OPCML: variants seen among roughly 807,000 people sequenced by gnomAD.
OPCML encodes opioid-binding protein/cell adhesion molecule.
In OPCML, 13 loss-of-function variants were observed where a neutral mutation model predicts 37.8. That is an observed-to-expected ratio of 0.34 (90% CI 0.22 to 0.55). OPCML has a LOEUF of 0.55. OPCML is among the 20% of genes least tolerant of loss of function. The pLI, the probability that OPCML is intolerant of heterozygous loss-of-function variation, is 0.91. For synonymous variants in OPCML, 176 were observed against 168.8 expected (o/e 1.04, Z -0.33); for missense variants, 341 against 435.6 (o/e 0.78, Z 1.93).
At chr11:133,086,740 C>T (rs1948824577) in intron 1 of OPCML, among the ~76,000 whole-genome samples, 1 of 152,146 alleles carries the variant, frequency 6.6e-6, no homozygotes, top group African/African-American at 2.4e-5. Context: ...ATCTCCCCAT[C>T]CCCCTACACT....
intron 2 of OPCML, among the ~76,000 whole-genome samples, chr11:132,683,616 T>C (rs1407163018): frequency 6.6e-6 from 1 of 152,200 alleles, no homozygotes; most frequent in Non-Finnish European, 1.5e-5. Flanking sequence ...AAATGAGAAG[T>C]TTGTAAAAGA....
chr11:133,096,156 T>TG (rs1948999763), intron 1 of OPCML, among the ~76,000 whole-genome samples: 2 of 124,232 alleles, frequency 1.6e-5, no homozygotes, highest in African/African-American at 6.5e-5. Context: ...GTGTGTGTGT[T>TG]TATGTGTAAG....
intron 1 of OPCML, among the ~76,000 whole-genome samples, chr11:133,395,086 T>C (rs971039077): frequency 6.6e-6 from 1 of 152,242 alleles, no homozygotes; most frequent in Non-Finnish European, 1.5e-5. Flanking sequence ...TGAGATGATA[T>C]ATCATTGTAG....
chr11:132,451,115 C>A (rs1592194418), intron 4 of OPCML, among the ~76,000 whole-genome samples: 1 of 152,174 alleles, frequency 6.6e-6, no homozygotes, highest in East Asian at 1.9e-4. Context: ...AATCAGAAGG[C>A]AATTCATCTT....
intron 2 of OPCML, among the ~76,000 whole-genome samples, chr11:132,915,172 C>T (rs1944563531): frequency 1.3e-5 from 2 of 152,122 alleles, no homozygotes; most frequent in Non-Finnish European, 2.9e-5. Flanking sequence ...CTTCAGGGGC[C>T]CTGTTTCTTG....
chr11:133,201,502 G>T (rs1181243441), intron 1 of OPCML, among the ~76,000 whole-genome samples: 2 of 152,038 alleles, frequency 1.3e-5, no homozygotes, highest in South Asian at 4.2e-4. Context: ...ATAAATTGGG[G>T]AGCCATATCT....
intron 1 of OPCML, chr11:133,003,679 A>G (rs2136854840): frequency 1.0e-6 from 1 of 985,414 alleles, no homozygotes; most frequent in Non-Finnish European, 1.2e-6. Flanking sequence ...CAAAATACCC[A>G]GCATTCTATT....
intron 1 of OPCML, among the ~76,000 whole-genome samples, chr11:133,417,608 A>G (rs546456110): frequency 5.5e-4 from 83 of 151,832 alleles, no homozygotes; most frequent in African/African-American, 2.0e-3. Context: ...AGCATTAGGT[A>G]TATCTCCTAA....
At chr11:132,526,328 T>A (rs1297819895) in intron 4 of OPCML, among the ~76,000 whole-genome samples, 5 of 152,176 alleles carry the variant, frequency 3.3e-5, no homozygotes, top group Non-Finnish European at 7.4e-5. Flanking sequence ...GTATATAATA[T>A]AAATCCAAAA....
intron 2 of OPCML, among the ~76,000 whole-genome samples, chr11:132,764,552 A>G (rs1007350238): frequency 6.6e-6 from 1 of 152,120 alleles, no homozygotes; most frequent in Middle Eastern, 3.2e-3. Flanking sequence ...ACCAATACCT[A>G]CTTTATAAGG....
At position 132,657,123 on chromosome 11, in the gene OPCML, G is replaced by C. The variant is rs1941746705; in HGVS notation, c.343C>G (p.His115Asp). Residue 115 changes from histidine (H) to aspartate (D), a missense_variant, in exon 3 of 8, where the codon CAT (histidine) becomes GAT (aspartate). Transcript: ENST00000524381. ...PYTCSVQTDN[H>D]PKTSRVHLIV... ...AGGTGAACCCGGGACGTTTTGGGAT[G>C]ATTGTCTGTCTGCACAGAGCAGGTG... 1.2e-5 allele frequency: 19 copies of C among 1,614,212 alleles called. No individual in the cohort carries two copies. Among genetic ancestry groups the C allele is most frequent in the Middle Eastern group, 1.6e-4 (1 of 6,062 alleles).
chr11:133,503,027 T>C (rs900138084), intron 1 of OPCML, among the ~76,000 whole-genome samples: 4 of 152,166 alleles, frequency 2.6e-5, no homozygotes, highest in Admixed American at 2.6e-4. Flanking sequence ...TTATTAATAT[T>C]GATGGGGCAG....
At chr11:133,209,473 T>C (rs990980982) in intron 1 of OPCML, among the ~76,000 whole-genome samples, 1 of 151,112 alleles carries the variant, frequency 6.6e-6, no homozygotes, top group Non-Finnish European at 1.5e-5. Context: ...AAGAAACCCA[T>C]GGGGCAAATA....
chr11:132,886,007 C>T (rs1234411419), intron 2 of OPCML, among the ~76,000 whole-genome samples: 2 of 152,096 alleles, frequency 1.3e-5, no homozygotes, highest in East Asian at 3.9e-4. Context: ...AATATACATA[C>T]TTTTCCACTA....
rs76703994 is a variant in OPCML, at chr11:132,420,713, G to A, written c.917-420C>T. On this transcript the variant is annotated intron_variant, in intron 7 of 7. Coordinates refer to ENST00000524381, the MANE Select transcript of OPCML (RefSeq NM_001012393.5). ...AGAGAGGCAAGGAGCAGATGGTGGG[G>A]TAGGAAGGGGAGACGGATGGAGACA... Among the ~76,000 whole-genome samples, 1,172 of 152,280 alleles carry A rather than the reference G, an allele frequency of 7.7e-3. 6 individuals are homozygous for A. Among genetic ancestry groups the A allele is most frequent in the Non-Finnish European group, 0.013 (905 of 68,022 alleles).
intron 2 of OPCML, among the ~76,000 whole-genome samples, chr11:132,741,476 T>A (rs1290379074): frequency 6.6e-6 from 1 of 152,136 alleles, no homozygotes; most frequent in Non-Finnish European, 1.5e-5. Context: ...GTGGCATGAC[T>A]CGACTCTTCT....
At chr11:133,356,723 G>A (rs903824251) in intron 1 of OPCML, among the ~76,000 whole-genome samples, 2 of 152,178 alleles carry the variant, frequency 1.3e-5, no homozygotes, top group Non-Finnish European at 2.9e-5. Flanking sequence ...AACCTGTCCA[G>A]GTTTTGTCTG....
In OPCML at chr11:133,112,031, C is replaced by G. The variant is rs185211286; in HGVS notation, c.62-169021G>C. Among the ~76,000 whole-genome samples the G allele has an allele frequency of 2.2e-3, 340 of 152,134 alleles. 3 individuals are homozygous for G. Among genetic ancestry groups the G allele is most frequent in the African/African-American group, 7.6e-3 (317 of 41,510 alleles). ...GATGGGGGAAATTGTCCTGTACATC[C>G]ACCTTCACGCTGGTTCTTAGAAAAT... On this transcript the variant is annotated intron_variant, in intron 1 of 7. Transcript: ENST00000524381.
chr11:132,984,037 T>TACTAGA (rs1250579666), intron 1 of OPCML, among the ~76,000 whole-genome samples: 1 of 152,222 alleles, frequency 6.6e-6, no homozygotes, highest in Non-Finnish European at 1.5e-5. Flanking sequence ...CTACCTCTAC[T>TACTAGA]ACTAGAACTA....
Sources: allele counts gnomAD v4.1 joint callset (sites outside exome capture counted in the v4.1 genomes callset), GRCh38; gene constraint gnomAD v4.1.1; transcripts MANE v1.5; gene names NCBI Gene and HGNC (gene_info 2026-07-23, HGNC 2026-07-21).